Variants in NTM observed in about 807,000 individuals in gnomAD.
NTM encodes neurotrimin, also known as IgLON family member 2.
A neutral mutation model predicts 42.1 loss-of-function variants in NTM; 13 were observed. That is an observed-to-expected ratio of 0.31 (90% CI 0.20 to 0.49). The LOEUF (loss-of-function observed/expected upper bound fraction) is 0.49, where lower values mean the gene tolerates loss of function less well. Among genes scored for constraint, NTM ranks in the 20% least tolerant of loss-of-function variants. The probability of loss-of-function intolerance (pLI) is 0.99; values close to 1 mark genes in which losing one functional copy is unlikely to be tolerated. For synonymous variants in NTM, 187 were observed against 179.2 expected, an observed-to-expected ratio of 1.04 and a Z score of -0.35; for missense variants, 373 against 452.8, an observed-to-expected ratio of 0.82 and a Z score of 1.60.
chr11:131,921,234 G>A (rs924968839), intron 2 of NTM, among the ~76,000 whole-genome samples: 2 of 152,156 alleles, frequency 1.3e-5, no homozygotes, highest in African/African-American at 4.8e-5. Context: ...ATTAGCTAAG[G>A]TGAGGTCATA....
At chr11:132,103,136 C>A (rs1281406725) in intron 2 of NTM, among the ~76,000 whole-genome samples, 3 of 152,238 alleles carry the variant, frequency 2.0e-5, no homozygotes, top group African/African-American at 7.2e-5. Context: ...CTGGAGGTGA[C>A]CGCCTGGGCG....
intron 1 of NTM, among the ~76,000 whole-genome samples, chr11:131,437,355 C>T (rs199911044): frequency 2.0e-5 from 3 of 152,100 alleles, no homozygotes; most frequent in African/African-American, 7.2e-5. Flanking sequence ...CCTTCTGTCT[C>T]GTCGGTCTGT....
chr11:132,141,045 A>G (rs1321531110), intron 2 of NTM: 1 of 152,214 alleles, frequency 6.6e-6, no homozygotes, highest in Admixed American at 6.5e-5. Flanking sequence ...GTCTGCATCC[A>G]TTATTGCCCT....
chr11:131,853,579 C>T lies in NTM; in HGVS notation c.83-57985C>T, dbSNP rs571541174. The stretch of plus-strand genomic sequence containing the variant: ...CCCTGCAAAAGACATGATCTCATTC[C>T]TTTTTGTGATTGCATAGTATTCCAT... On this transcript the variant is annotated intron_variant, in intron 1 of 8. Coordinates refer to ENST00000683400, the MANE Select transcript of NTM (RefSeq NM_001352005.2). 2.0e-5 allele frequency among the ~76,000 whole-genome samples: 3 copies of T among 152,294 alleles called. No homozygotes were observed. The East Asian group carries it at 5.8e-4, about 29-fold the overall frequency.
chr11:132,004,805 G>A (rs997947735), intron 2 of NTM, among the ~76,000 whole-genome samples: 7 of 151,404 alleles, frequency 4.6e-5, no homozygotes, highest in African/African-American at 1.7e-4. Flanking sequence ...TGGACAGTAA[G>A]ATTAAAAGAA....
intron 2 of NTM, among the ~76,000 whole-genome samples, chr11:132,082,557 T>A (rs2059217114): frequency 6.6e-6 from 1 of 152,236 alleles, no homozygotes; most frequent in Non-Finnish European, 1.5e-5. Flanking sequence ...GCAAGCCCCC[T>A]CTGCACAATG....
chr11:131,376,823 C>T (rs1942036264), intron 1 of NTM, among the ~76,000 whole-genome samples: 1 of 152,142 alleles, frequency 6.6e-6, no homozygotes, highest in African/African-American at 2.4e-5. Context: ...CAAACTCTCA[C>T]CCTAACACCA....
chr11:131,702,977 C>A (rs145733924), intron 1 of NTM, among the ~76,000 whole-genome samples: 1 of 152,182 alleles, frequency 6.6e-6, no homozygotes, highest in African/African-American at 2.4e-5. Context: ...TCTGAGAAAT[C>A]AGTTAGGGGA....
chr11:132,330,290 A>T, intron 8 of NTM, 105 bp downstream of exon 8: 1 of 1,313,072 alleles, frequency 7.6e-7, no homozygotes, highest in East Asian at 2.5e-5. Flanking sequence ...TCCAGGAAGC[A>T]GCGCAGAGGG....
intron 3 of NTM, among the ~76,000 whole-genome samples, chr11:132,172,902 T>C (rs961736955): frequency 1.3e-5 from 2 of 152,170 alleles, no homozygotes; most frequent in African/African-American, 4.8e-5. Flanking sequence ...TGCATTTGTG[T>C]CGGGAGCATT....
At chr11:132,263,915 G>A (rs185610303) in intron 4 of NTM, among the ~76,000 whole-genome samples, 87 of 152,254 alleles carry the variant, frequency 5.7e-4, no homozygotes, top group Middle Eastern at 3.4e-3. Flanking sequence ...TTATGTACAC[G>A]ATTATTTTGG....
At chr11:131,505,519 A>T (rs186020551) in intron 1 of NTM, among the ~76,000 whole-genome samples, 9 of 152,260 alleles carry the variant, frequency 5.9e-5, no homozygotes, top group Admixed American at 3.9e-4. Flanking sequence ...TCCTGCGATT[A>T]TTTACCCCCT....
intron 2 of NTM, among the ~76,000 whole-genome samples, chr11:131,990,578 C>T (rs932943897): frequency 2.0e-5 from 3 of 151,844 alleles, no homozygotes; most frequent in Non-Finnish European, 4.4e-5. Flanking sequence ...TTACACAAAA[C>T]CTTAACAAAA....
chr11:131,407,233 C>T (rs1945897540), intron 1 of NTM, among the ~76,000 whole-genome samples: 1 of 152,094 alleles, frequency 6.6e-6, no homozygotes, highest in Admixed American at 6.5e-5. Flanking sequence ...CAGGAGAGGA[C>T]CGAAGTGACT....
chr11:131,415,254 A>G (rs1195991947), intron 1 of NTM, among the ~76,000 whole-genome samples: 1 of 152,176 alleles, frequency 6.6e-6, no homozygotes, highest in Non-Finnish European at 1.5e-5. Context: ...AGTGCCCAAT[A>G]TATAAAGCAG....
rs535426879 is a variant in NTM at position 131,851,533 on chromosome 11, G to A, written c.83-60031G>A. Among the ~76,000 whole-genome samples, 12 of 9,424 alleles carry A rather than the reference G, an allele frequency of 1.3e-3. No homozygotes were observed. The East Asian group carries it at 0.031, about 24-fold the overall frequency. 6.2% of individuals were successfully genotyped at this position (9,424 alleles called of 152,430 possible). ...CATCACATGCCCTGGTGAGAATGGC[G>A]TGTGTGTGTGTGTGTGTGTGTGTGT... On this transcript the variant is annotated intron_variant, in intron 1 of 8. Coordinates refer to ENST00000683400, the MANE Select transcript of NTM (RefSeq NM_001352005.2).
intron 1 of NTM, among the ~76,000 whole-genome samples, chr11:131,482,703 AC>A (rs1565548779): frequency 6.6e-6 from 1 of 152,178 alleles, no homozygotes; most frequent in Non-Finnish European, 1.5e-5. Context: ...AGAGATTTCT[AC>A]CTCATAAGCT....
At chr11:131,434,958 A>AT (rs1367236308) in intron 1 of NTM, among the ~76,000 whole-genome samples, 1 of 152,124 alleles carries the variant, frequency 6.6e-6, no homozygotes, top group Non-Finnish European at 1.5e-5. Flanking sequence ...TCTTGAATTT[A>AT]TTTTTGTCTA....
intron 4 of NTM, among the ~76,000 whole-genome samples, chr11:132,276,332 A>T (rs1303280847): frequency 2.0e-5 from 3 of 152,116 alleles, no homozygotes; most frequent in Non-Finnish European, 4.4e-5. Flanking sequence ...TGACATGCTG[A>T]TTTCATTTCC....
Sources: gnomAD v4.1 joint callset for allele counts (sites outside exome capture counted in the v4.1 genomes callset) on GRCh38, gnomAD v4.1.1 for gene constraint, MANE v1.5 for transcripts, NCBI Gene and HGNC (gene_info 2026-07-23, HGNC 2026-07-21) for gene names.